The following SKIC2 variants were observed in gnomAD, a reference collection of about 807,000 sequenced individuals.
SKIC2 encodes the protein superkiller complex protein 2.
the SKIC2 span, chr6:31,964,408 G>A: frequency 8.5e-7 from 1 of 1,170,590 alleles, no homozygotes. The surrounding 1 kb of genome is among the most constrained non-coding windows in gnomAD (Gnocchi z 5.0). Flanking sequence ...TGCCCAGAGG[G>A]CAGAGGGGCA....
the SKIC2 span, chr6:31,960,562 A>G: frequency 6.3e-7 from 1 of 1,593,460 alleles, no homozygotes; most frequent in Non-Finnish European, 8.6e-7. Context: ...TCTTGTGGAG[A>G]TGGGATGGTA....
the SKIC2 span, chr6:31,963,029 C>T: frequency 5.3e-5 from 85 of 1,612,742 alleles, no homozygotes; most frequent in African/African-American, 5.7e-4. This position sits in a 1 kb window ranked among gnomAD's most constrained non-coding sequence, Gnocchi z 5.3. Flanking sequence ...TACCTGACCA[C>T]GTTTCTATCA....
At chr6:31,959,302 C>T in the SKIC2 span, 6 of 1,613,048 alleles carry the variant, frequency 3.7e-6, no homozygotes, top group Admixed American at 5.0e-5. Context: ...CGTAGTGCTA[C>T]CCCCTCCAGA....
the SKIC2 span, chr6:31,968,669 CGGGT>C: frequency 2.5e-6 from 4 of 1,601,552 alleles, no homozygotes; most frequent in Non-Finnish European, 3.4e-6. This position sits in a 1 kb window ranked among gnomAD's most constrained non-coding sequence, Gnocchi z 6.1. Flanking sequence ...AGAAGGCTGA[CGGGT>C]GGCTCTCTGC....
At chr6:31,963,209 G>A in the SKIC2 span, 2 of 825,314 alleles carry the variant, frequency 2.4e-6, no homozygotes, top group Admixed American at 2.6e-5. The surrounding 1 kb of genome is among the most constrained non-coding windows in gnomAD (Gnocchi z 5.3). Context: ...TGATGCTGGG[G>A]AACATGTCCC....
At chr6:31,964,110 C>T in the SKIC2 span, 2 of 1,612,606 alleles carry the variant, frequency 1.2e-6, no homozygotes, top group African/African-American at 1.3e-5. This position sits in a 1 kb window ranked among gnomAD's most constrained non-coding sequence, Gnocchi z 5.0. Context: ...GTGGCTCTGA[C>T]CGCCAGCTGC....
chr6:31,961,555 C>G, the SKIC2 span: 1 of 1,606,526 alleles, frequency 6.2e-7, no homozygotes, highest in Non-Finnish European at 8.5e-7. Context: ...AGGAAGCGTC[C>G]ACAGCTGTAT....
At chr6:31,967,940 T>C in the SKIC2 span, 2 of 1,613,032 alleles carry the variant, frequency 1.2e-6, no homozygotes, top group Admixed American at 3.3e-5. This position sits in a 1 kb window ranked among gnomAD's most constrained non-coding sequence, Gnocchi z 4.9. Context: ...TCTGCCCTGC[T>C]CTCCCCTTTT....
At chr6:31,967,902 A>G in the SKIC2 span, 1 of 1,612,924 alleles carries the variant, frequency 6.2e-7, no homozygotes, top group Non-Finnish European at 8.5e-7. This position sits in a 1 kb window ranked among gnomAD's most constrained non-coding sequence, Gnocchi z 4.9. Context: ...CCAGCAGTAT[A>G]AGCAGGATGC....
At chr6:31,961,861 A>G in the SKIC2 span, 1 of 1,604,808 alleles carries the variant, frequency 6.2e-7, no homozygotes, top group South Asian at 1.1e-5. Flanking sequence ...AGGAGGCAGC[A>G]AGGCCCCGCT....
At chr6:31,962,922 C>T in the SKIC2 span, 7 of 1,397,992 alleles carry the variant, frequency 5.0e-6, no homozygotes, top group Non-Finnish European at 7.1e-6. The surrounding 1 kb of genome is among the most constrained non-coding windows in gnomAD (Gnocchi z 5.0). Flanking sequence ...AATCCTGTGC[C>T]TCTTTATGGG....
chr6:31,960,187 A>G, the SKIC2 span: 66 of 1,609,576 alleles, frequency 4.1e-5, no homozygotes, highest in Non-Finnish European at 5.2e-5. Context: ...AGAGGAAGAA[A>G]GAAGACCCAA....
At chr6:31,965,473 AAAG>A in the SKIC2 span, among the ~76,000 whole-genome samples, 4 of 150,918 alleles carry the variant, frequency 2.7e-5, no homozygotes, top group African/African-American at 2.4e-5. The surrounding 1 kb of genome is among the most constrained non-coding windows in gnomAD (Gnocchi z 5.6). Flanking sequence ...CAAGCTCACA[AAAG>A]AAGACATGTT....
chr6:31,960,287 C>T, the SKIC2 span: 1 of 1,613,412 alleles, frequency 6.2e-7, no homozygotes, highest in Non-Finnish European at 8.5e-7. Flanking sequence ...CCCATCCGAC[C>T]TACAGGCCCA....
the SKIC2 span, chr6:31,963,641 T>C: frequency 6.5e-7 from 1 of 1,545,476 alleles, no homozygotes; most frequent in African/African-American, 1.4e-5. The surrounding 1 kb of genome is among the most constrained non-coding windows in gnomAD (Gnocchi z 5.3). Flanking sequence ...CCCCAGGTAC[T>C]ATGCAGCTGT....
At chr6:31,959,190 A>G in the SKIC2 span, 5 of 1,609,606 alleles carry the variant, frequency 3.1e-6, no homozygotes, top group East Asian at 4.5e-5. Flanking sequence ...CTGTGGCTCC[A>G]GGATGATGGA....
chr6:31,963,962 AG>A, the SKIC2 span: 96 of 1,612,168 alleles, frequency 6.0e-5, no homozygotes, highest in Non-Finnish European at 8.0e-5. This position sits in a 1 kb window ranked among gnomAD's most constrained non-coding sequence, Gnocchi z 5.3. Flanking sequence ...ACACGTGCCC[AG>A]TTGCCCGTGG....
chr6:31,964,274 C>T, the SKIC2 span: 6 of 1,613,094 alleles, frequency 3.7e-6, no homozygotes, highest in Non-Finnish European at 5.1e-6. This position sits in a 1 kb window ranked among gnomAD's most constrained non-coding sequence, Gnocchi z 5.0. Flanking sequence ...CCTGGGTGTG[C>T]ACCATAGCGG....
the SKIC2 span, chr6:31,968,757 G>A: frequency 6.2e-7 from 1 of 1,612,888 alleles, no homozygotes; most frequent in Non-Finnish European, 8.5e-7. The surrounding 1 kb of genome is among the most constrained non-coding windows in gnomAD (Gnocchi z 6.1). Context: ...TGTCGGATCA[G>A]TCATTGCTGC....
Sources: allele counts gnomAD v4.1 joint callset (sites outside exome capture counted in the v4.1 genomes callset), GRCh38; gene constraint gnomAD v4.1.1; non-coding constraint Gnocchi (gnomAD v3.1); transcripts MANE v1.5; gene names NCBI Gene and HGNC (gene_info 2026-07-23, HGNC 2026-07-21).